MAML3: variants seen among roughly 807,000 people sequenced by gnomAD.
The protein encoded by MAML3 is mastermind like transcriptional coactivator 3.
A neutral mutation model predicts 101.9 loss-of-function variants in MAML3; 27 were observed. That is an observed-to-expected ratio of 0.27 (90% CI 0.20 to 0.37). The LOEUF is 0.37. MAML3 is among the 10% of genes least tolerant of loss of function. MAML3 has a pLI of 1.00. For missense variants in MAML3, 1,316 were observed against 1,444.9 expected (o/e 0.91, Z 1.45); for synonymous variants, 501 against 555.9 (o/e 0.90, Z 1.39).
chr4:140,120,735 C>T (rs1470662062), intron 1 of MAML3, among the ~76,000 whole-genome samples: 1 of 151,994 alleles, frequency 6.6e-6, no homozygotes, highest in Non-Finnish European at 1.5e-5. Flanking sequence ...ATTAACTGGT[C>T]TTTTTACTCT....
At chr4:139,896,214 G>A (rs563467953) in intron 1 of MAML3, among the ~76,000 whole-genome samples, 1 of 152,126 alleles carries the variant, frequency 6.6e-6, no homozygotes, top group Non-Finnish European at 1.5e-5. Context: ...ATGCCTGGCT[G>A]CGCACAGGGA....
intron 2 of MAML3, among the ~76,000 whole-genome samples, chr4:139,837,084 T>G (rs961455193): frequency 2.1e-5 from 3 of 142,352 alleles, no homozygotes; most frequent in Non-Finnish European, 4.5e-5. Context: ...ATCATGCCAT[T>G]GCACTCCAGC....
chr4:139,932,075 A>AT (rs1733411226), intron 1 of MAML3, among the ~76,000 whole-genome samples: 1 of 152,148 alleles, frequency 6.6e-6, no homozygotes, highest in South Asian at 2.1e-4. Flanking sequence ...TTTGAATAGT[A>AT]TTTTTGCCTG....
At chr4:139,746,973 G>A (rs2111033305) in intron 2 of MAML3, among the ~76,000 whole-genome samples, 1 of 152,266 alleles carries the variant, frequency 6.6e-6, no homozygotes, top group South Asian at 2.1e-4. Context: ...GTGGGCCACC[G>A]GCCGTGGCTT....
chr4:139,954,368 C>T (rs558381006), intron 1 of MAML3, among the ~76,000 whole-genome samples: 26 of 152,278 alleles, frequency 1.7e-4, no homozygotes, highest in Non-Finnish European at 3.1e-4. Context: ...ATCAAAAATA[C>T]TTCATTTTAA....
At chr4:140,115,218 C>T (rs921864519) in intron 1 of MAML3, among the ~76,000 whole-genome samples, 1 of 152,184 alleles carries the variant, frequency 6.6e-6, no homozygotes, top group African/African-American at 2.4e-5. Context: ...TATGAGTTAG[C>T]ACTATTTTTG....
At chr4:139,791,391 C>T (rs1560795424) in intron 2 of MAML3, among the ~76,000 whole-genome samples, 4 of 149,394 alleles carry the variant, frequency 2.7e-5, no homozygotes, top group African/African-American at 7.4e-5. Context: ...CAGCTACTCT[C>T]GGGAGGCTGA....
intron 3 of MAML3, among the ~76,000 whole-genome samples, chr4:139,729,333 A>C (rs1728607590): frequency 6.6e-6 from 1 of 152,096 alleles, no homozygotes; most frequent in African/African-American, 2.4e-5. Context: ...AATTTGCAAA[A>C]TTCTGGCAGG....
chr4:139,994,085 A>G (rs1367520696), intron 1 of MAML3, among the ~76,000 whole-genome samples: 1 of 152,208 alleles, frequency 6.6e-6, no homozygotes, highest in African/African-American at 2.4e-5. Flanking sequence ...CTGATGAAAG[A>G]CAATAGTTTT....
intron 1 of MAML3, among the ~76,000 whole-genome samples, chr4:139,976,753 T>C (rs1734346670): frequency 6.6e-6 from 1 of 152,226 alleles, no homozygotes; most frequent in South Asian, 2.1e-4. Flanking sequence ...TAAGTTTGAT[T>C]CTATACTTAT....
At chr4:140,148,511 A>G (rs189108846) in intron 1 of MAML3, among the ~76,000 whole-genome samples, 35 of 152,380 alleles carry the variant, frequency 2.3e-4, no homozygotes, top group Admixed American at 5.2e-4. Context: ...GGGCAATGGA[A>G]AGCTTTCCGA....
At chr4:139,814,848 G>A (rs1039566738) in intron 2 of MAML3, among the ~76,000 whole-genome samples, 4 of 152,198 alleles carry the variant, frequency 2.6e-5, no homozygotes, top group Admixed American at 1.3e-4. Flanking sequence ...CCAGTAAAGA[G>A]CGTAGGGCTG....
intron 1 of MAML3, among the ~76,000 whole-genome samples, chr4:139,891,305 GTCTTGC>G (rs1350168017): frequency 6.6e-6 from 1 of 152,190 alleles, no homozygotes; most frequent in African/African-American, 2.4e-5. Context: ...TTGAGATGGA[GTCTTGC>G]TCTGTTGCCC....
At chr4:140,019,266 A>C (rs1726696061) in intron 1 of MAML3, among the ~76,000 whole-genome samples, 1 of 152,200 alleles carries the variant, frequency 6.6e-6, no homozygotes, top group Admixed American at 6.5e-5. Flanking sequence ...TTTTATGTAA[A>C]ACCTTTGCAG....
chr4:139,725,558 G>A (rs1388627435), intron 4 of MAML3, among the ~76,000 whole-genome samples, 193 bp downstream of exon 4: 1 of 152,152 alleles, frequency 6.6e-6, no homozygotes, highest in Non-Finnish European at 1.5e-5. Flanking sequence ...TGACCAAAAG[G>A]TTAATGCCTG....
chr4:140,146,914 T>G (rs996166724), intron 1 of MAML3, among the ~76,000 whole-genome samples: 1 of 151,586 alleles, frequency 6.6e-6, no homozygotes, highest in Non-Finnish European at 1.5e-5. Flanking sequence ...GGTGGGCAGA[T>G]CACAAGGTCA....
chr4:139,915,334 G>A (rs1465837312), intron 1 of MAML3, among the ~76,000 whole-genome samples: 1 of 152,188 alleles, frequency 6.6e-6, no homozygotes, highest in Non-Finnish European at 1.5e-5. Context: ...AATTATCCAA[G>A]TTAATTTCCT....
chr4:139,806,882 C>T (rs982293365), intron 2 of MAML3, among the ~76,000 whole-genome samples: 6 of 152,106 alleles, frequency 3.9e-5, no homozygotes. Flanking sequence ...GTCTCATATG[C>T]ATAGAAATTA....
At chr4:140,088,741 T>C (rs1468770609) in intron 1 of MAML3, among the ~76,000 whole-genome samples, 1 of 152,148 alleles carries the variant, frequency 6.6e-6, no homozygotes, top group East Asian at 1.9e-4. Flanking sequence ...TCTTAAGGAA[T>C]GTGAGTGTGC....
Sources: allele counts gnomAD v4.1 joint callset (sites outside exome capture counted in the v4.1 genomes callset), GRCh38; gene constraint gnomAD v4.1.1; transcripts MANE v1.5; gene names NCBI Gene and HGNC (gene_info 2026-07-23, HGNC 2026-07-21).